Variants in SIRPB1 observed in about 807,000 individuals in gnomAD.
SIRPB1 encodes the protein signal regulatory protein beta 1, also known as signal-regulatory protein beta-1.
Under a neutral mutation model 34.1 loss-of-function variants are expected in SIRPB1, and 28 were observed. The observed-to-expected ratio is 0.82, with a 90% CI of 0.61 to 1.12. SIRPB1 has a LOEUF of 1.12. SIRPB1 is among the 50% of genes most tolerant of loss of function. The probability of loss-of-function intolerance (pLI) is 0.00; values close to 1 mark genes in which losing one functional copy is unlikely to be tolerated. For missense variants in SIRPB1, 499 were observed against 507.0 expected (o/e 0.98, Z 0.15); for synonymous variants, 211 against 203.8 (o/e 1.04, Z -0.30).
Position 1,571,040 on chromosome 20 carries a change from C to A in SIRPB1, c.849G>T (p.Gln283His). The A allele has an allele frequency of 6.2e-7, 1 of 1,614,192 alleles. No individual in the cohort carries two copies. Among genetic ancestry groups the A allele is most frequent in the Non-Finnish European group, 8.5e-7 (1 of 1,180,002 alleles). The change falls in exon 4 of 6, where the codon CAG becomes CAT. Residue 283 changes from glutamine to histidine, a missense_variant. Gln to His is a conservative substitution (Grantham distance 24). Coordinates refer to ENST00000381605, the MANE Select transcript of SIRPB1 (RefSeq NM_006065.5). The stretch of plus-strand genomic sequence containing the variant: ...CATTTCCATTCTCCAACCAGGTCAG[C>A]TGTAGTCCCCGGGGGTAGAAATTGC... ...QVSNFYPRGLQLTWLENGNVS... is the reference protein window; with the variant it reads ...QVSNFYPRGLHLTWLENGNVS...
Position 1,578,625 on chromosome 20 carries a change from G to C in SIRPB1, c.146C>G (p.Ser49Trp), listed in dbSNP as rs200657161. 8.2e-6 allele frequency: 13 copies of C among 1,584,064 alleles called. No homozygotes were observed. In the East Asian group the frequency reaches 2.9e-4, roughly 35 times the overall value. ...CGTCATAGCACAGCGCAGAGTGGCC[G>C]ACTCTCCAGCTGCAACTGATACGGA... The part of the protein sequence containing the change: ...EKSVSVAAGE[S>W]ATLRCAMTSL... Residue 49 changes from serine to tryptophan, a missense_variant, in exon 2 of 6, where the codon TCG becomes TGG. Physicochemically the swap from Ser to Trp is radical, Grantham distance 177 (BLOSUM62 -3). Coordinates refer to ENST00000381605, the MANE Select transcript of SIRPB1 (RefSeq NM_006065.5).
intron 2 of SIRPB1, among the ~76,000 whole-genome samples, chr20:1,574,521 T>C (rs1390110399): frequency 9.7e-6 from 1 of 103,416 alleles, no homozygotes; most frequent in East Asian, 2.6e-4. Flanking sequence ...GGTTCCTGGG[T>C]CCAGCTTTGC....
Position 1,562,283 on chromosome 20 carries a change from A to T in SIRPB1, c.*3217T>A, listed in dbSNP as rs756380820. Among the ~76,000 whole-genome samples the T allele has an allele frequency of 3.9e-5, 6 of 152,184 alleles. No individual in the cohort carries two copies. Among genetic ancestry groups the T allele is most frequent in the Non-Finnish European group, 5.9e-5 (4 of 68,022 alleles). On this transcript the variant is annotated 3_prime_UTR_variant, in exon 6 of 6. Transcript: ENST00000381605. Reference sequence around the variant, plus strand: ...GAAAGAGCTTGAGAATACAGCACACAAGCCAAGTGATCAAATGAAGAGAAG... The same window carrying T: ...GAAAGAGCTTGAGAATACAGCACACTAGCCAAGTGATCAAATGAAGAGAAG...
At chr20:1,569,459 A>G (rs772755118) in intron 4 of SIRPB1, among the ~76,000 whole-genome samples, 1 of 152,246 alleles carries the variant, frequency 6.6e-6, no homozygotes, top group Non-Finnish European at 1.5e-5. Flanking sequence ...TCAATGTGCA[A>G]CTGCAGGTGC....
rs370238082 is a variant in SIRPB1 at position 1,619,667 on chromosome 20, C to T, written c.76+202G>A. 1.7e-3 allele frequency among the ~76,000 whole-genome samples: 254 copies of T among 152,284 alleles called. 1 individual carries two copies. The highest frequency in any genetic ancestry group is 5.8e-3 in the African/African-American group (243 of 41,552). On this transcript the variant is annotated intron_variant, in intron 1 of 5. Coordinates refer to ENST00000381605, the MANE Select transcript of SIRPB1 (RefSeq NM_006065.5). ...GTAATTGTTGTTGTGGTGGTTGAAT[C>T]GTCCTGTGGTTCAATGCCTCTGGTA...
rs774654687 is a variant in SIRPB1, at chr20:1,572,053, C to T, written c.434-16G>A. ...GAGGGTTTGGCTACAAAAGGACCAT[C>T]GATAATCAGGAGACATGACTCAGAT... On this transcript the variant is annotated splice_polypyrimidine_tract_variant and intron_variant, in intron 2 of 5. Coordinates refer to ENST00000381605, the MANE Select transcript of SIRPB1 (RefSeq NM_006065.5). The T allele has an allele frequency of 1.6e-5, 26 of 1,613,690 alleles. No homozygotes were observed. The highest frequency in any genetic ancestry group is 5.0e-5 in the Admixed American group (3 of 59,994).
chr20:1,561,520 T>C lies in SIRPB1; in HGVS notation c.*3980A>G, dbSNP rs547982167. Among the ~76,000 whole-genome samples, 1 of 152,320 alleles carries C rather than the reference T, an allele frequency of 6.6e-6. No individual in the cohort carries two copies. The highest frequency in any genetic ancestry group is 2.1e-4 in the South Asian group (1 of 4,828). On this transcript the variant is annotated 3_prime_UTR_variant, in exon 6 of 6. Coordinates refer to ENST00000381605, the MANE Select transcript of SIRPB1 (RefSeq NM_006065.5). Reference sequence around the variant, plus strand: ...TCAAGCTTCTCTTGGCTATGACAGTTTTTTAGACTTTCCTTGATTTTGATG... The same window carrying C: ...TCAAGCTTCTCTTGGCTATGACAGTCTTTTAGACTTTCCTTGATTTTGATG...
chr20:1,616,582 G>A (rs6074896), intron 1 of SIRPB1, among the ~76,000 whole-genome samples: 98,007 of 152,032 alleles, frequency 0.64, 32,358 homozygotes, highest in East Asian at 0.98. Flanking sequence ...AAAGACTTAA[G>A]TGTAGGATCT....
chr20:1,614,410 T>C (rs2091600575), intron 1 of SIRPB1, among the ~76,000 whole-genome samples: 1 of 152,178 alleles, frequency 6.6e-6, no homozygotes. Flanking sequence ...ACCAGTATTT[T>C]AAAGCTGGTC....
chr20:1,608,224 T>A (rs1437974981), intron 1 of SIRPB1, among the ~76,000 whole-genome samples: 2 of 122,794 alleles, frequency 1.6e-5, no homozygotes, highest in South Asian at 2.7e-4. Flanking sequence ...GAAGATGCCG[T>A]GGCTGAACAA....
intron 2 of SIRPB1, 56 bp downstream of exon 2, chr20:1,578,282 A>C: frequency 6.6e-7 from 1 of 1,518,786 alleles, no homozygotes; most frequent in Admixed American, 1.7e-5. Flanking sequence ...TGGATAATGT[A>C]ATTATTGAGT....
intron 1 of SIRPB1, among the ~76,000 whole-genome samples, chr20:1,579,856 G>T (rs571427304): frequency 1.3e-5 from 2 of 148,334 alleles, no homozygotes; most frequent in African/African-American, 4.9e-5. Context: ...ACTTGGGGGA[G>T]TTGATGGGGA....
At chr20:1,579,879 C>A (rs1568692973) in intron 1 of SIRPB1, among the ~76,000 whole-genome samples, 1 of 147,766 alleles carries the variant, frequency 6.8e-6, no homozygotes, top group African/African-American at 2.5e-5. Context: ...TCAAAAGACA[C>A]AAAATTGTGA....
intron 2 of SIRPB1, chr20:1,578,058 T>C (rs2091342530): frequency 2.1e-6 from 1 of 474,912 alleles, no homozygotes. Flanking sequence ...CCCTCATCTG[T>C]GGAACCAAAG....
chr20:1,568,817 T>TA lies in SIRPB1; in HGVS notation c.1084+1987dup, dbSNP rs1319025120. 4.0e-3 allele frequency among the ~76,000 whole-genome samples: 564 copies of TA among 142,558 alleles called. 4 individuals are homozygous for TA. Among genetic ancestry groups the TA allele is most frequent in the African/African-American group, 0.012 (452 of 38,936 alleles). The allele number at this position is 142,558 out of a possible 152,430, so 93.5% of individuals were successfully genotyped here. Reference sequence around the variant, plus strand: ...AGAAAGCAGGAGATAGGAATTAATTTAAAAAAAAAAAGAGAGAAGAGAGCA... The same window carrying TA: ...AGAAAGCAGGAGATAGGAATTAATTTAAAAAAAAAAAAGAGAGAAGAGAGCA... On this transcript the variant is annotated intron_variant, in intron 4 of 5. Transcript: ENST00000381605.
chr20:1,567,884 C>A (rs979695519), intron 4 of SIRPB1, among the ~76,000 whole-genome samples: 1 of 152,204 alleles, frequency 6.6e-6, no homozygotes, highest in Non-Finnish European at 1.5e-5. Flanking sequence ...GACTTCTTGG[C>A]AGCACTGCAG....
rs2091484242 is a variant in SIRPB1, at chr20:1,603,271, AG to A, written c.76+16597del. The A allele has an allele frequency of 1.9e-5, 3 of 161,268 alleles. 1 individual carries two copies. The highest frequency in any genetic ancestry group is 3.6e-5 in the Non-Finnish European group (3 of 83,628). The allele number at this position is 161,268 out of a possible 1,614,324, so 10.0% of individuals were successfully genotyped here. On this transcript the variant is annotated intron_variant, in intron 1 of 5. Transcript: ENST00000381605. ...AGAAACTTGCACATAATAAATCTGC[AG>A]AGAGCCATTGTGATTATTATTGGTC...
intron 1 of SIRPB1, among the ~76,000 whole-genome samples, chr20:1,578,906 A>G (rs1440641074): frequency 6.8e-6 from 1 of 147,980 alleles, no homozygotes; most frequent in Non-Finnish European, 1.5e-5. Flanking sequence ...AGAGAGGTTC[A>G]ATTTCCTTTT....
At chr20:1,566,366 A>G (rs537420959) in intron 4 of SIRPB1, 99 bp from the exon 5 acceptor site, 15 of 656,692 alleles carry the variant, frequency 2.3e-5, no homozygotes, top group African/African-American at 1.3e-4. Flanking sequence ...GGGCCCATCA[A>G]TCCTCTGAAG....
Sources: allele counts gnomAD v4.1 joint callset (sites outside exome capture counted in the v4.1 genomes callset), GRCh38; gene constraint gnomAD v4.1.1; transcripts MANE v1.5; gene names NCBI Gene and HGNC (gene_info 2026-07-23, HGNC 2026-07-21).